Variants in PTPRD observed in about 807,000 individuals in gnomAD.
PTPRD encodes protein tyrosine phosphatase receptor type D.
Under a neutral mutation model 214.5 loss-of-function variants are expected in PTPRD, and 34 were observed. The observed-to-expected ratio is 0.16, with a 90% confidence interval of 0.12 to 0.21. The LOEUF is 0.21. Among genes scored for constraint, PTPRD ranks in the 10% least tolerant of loss-of-function variants. The probability of loss-of-function intolerance (pLI) is 1.00; values close to 1 mark genes in which losing one functional copy is unlikely to be tolerated. For missense variants in PTPRD, 2,545 were observed against 2,398.7 expected, an observed-to-expected ratio of 1.06 and a Z score of -1.27; for synonymous variants, 1,128 against 845.7, an observed-to-expected ratio of 1.33 and a Z score of -5.79.
chr9:10,003,277 G>T lies in PTPRD; in HGVS notation c.-472+30441C>A, dbSNP rs563725832. On this transcript the variant is annotated intron_variant, in intron 4 of 45. Transcript: ENST00000381196. ...GAGATGATGAGGAATGAGGAAGTGA[G>T]ATAAAGGTTAGAAAGGAAGACAAAC... is the stretch of plus-strand genomic sequence containing the variant. 7.2e-4 allele frequency among the ~76,000 whole-genome samples: 109 copies of T among 151,804 alleles called. 1 individual carries two copies. Among genetic ancestry groups the T allele is most frequent in the African/African-American group, 2.6e-3 (109 of 41,522 alleles).
intron 11 of PTPRD, among the ~76,000 whole-genome samples, chr9:8,786,053 GT>G (rs1566046188): frequency 2.1e-5 from 3 of 141,724 alleles, no homozygotes; most frequent in African/African-American, 8.4e-5. Context: ...GTGTGTGTGT[GT>G]GTGTGTGTGT....
At chr9:9,769,034 A>G (rs992966065) in intron 5 of PTPRD, among the ~76,000 whole-genome samples, 33 of 152,168 alleles carry the variant, frequency 2.2e-4, no homozygotes, top group African/African-American at 5.8e-4. Context: ...GAGGAGGCAT[A>G]TTTACTATTT....
intron 3 of PTPRD, among the ~76,000 whole-genome samples, chr9:10,140,628 T>G (rs1592179946): frequency 6.6e-6 from 1 of 151,888 alleles, no homozygotes; most frequent in Non-Finnish European, 1.5e-5. Context: ...ACGAAAAAAG[T>G]CCAGGACCAG....
intron 4 of PTPRD, among the ~76,000 whole-genome samples, chr9:9,996,625 G>T (rs573943510): frequency 6.6e-6 from 1 of 152,196 alleles, no homozygotes; most frequent in Non-Finnish European, 1.5e-5. Flanking sequence ...AAGTATTGAA[G>T]TTGTGCTGTA....
At chr9:9,098,800 G>A (rs1287376144) in intron 10 of PTPRD, among the ~76,000 whole-genome samples, 1 of 152,100 alleles carries the variant, frequency 6.6e-6, no homozygotes, top group Non-Finnish European at 1.5e-5. Context: ...TGTAATACAA[G>A]GCAGAAATTC....
chr9:8,719,138 T>C (rs1164250064), intron 12 of PTPRD, among the ~76,000 whole-genome samples: 77 of 152,176 alleles, frequency 5.1e-4, no homozygotes, highest in South Asian at 2.1e-4. Context: ...TTTTTTAAGA[T>C]GTTCATAGCT....
At chr9:9,580,277 A>G (rs1349696572) in intron 7 of PTPRD, among the ~76,000 whole-genome samples, 1 of 152,054 alleles carries the variant, frequency 6.6e-6, no homozygotes, top group Non-Finnish European at 1.5e-5. Flanking sequence ...TTCTTTGAGA[A>G]ATCTCCATAC....
In PTPRD at chr9:10,393,395, T is replaced by C. The variant is rs185522917; in HGVS notation, c.-599-52378A>G. Among the ~76,000 whole-genome samples the C allele has an allele frequency of 1.4e-3, 208 of 151,850 alleles. 2 individuals are homozygous for C. The highest frequency in any genetic ancestry group is 4.8e-3 in the African/African-American group (199 of 41,486). On this transcript the variant is annotated intron_variant, in intron 2 of 45. Transcript: ENST00000381196. ...ATGATCCATATCATAATGAGATTAA[T>C]ACATTAGACCCATTTCTTTCAAGGT...
At chr9:10,588,983 T>C (rs1459039477) in intron 2 of PTPRD, among the ~76,000 whole-genome samples, 2 of 152,038 alleles carry the variant, frequency 1.3e-5, no homozygotes, top group Non-Finnish European at 2.9e-5. Flanking sequence ...ATGAGTAATA[T>C]TGTAGAACCT....
rs2136973454 is a variant in PTPRD at position 8,500,921 on chromosome 9, C to T, written c.1961G>A (p.Gly654Glu). ...EYSIKYTAVD[G>E]EDDKPHEILG... ...AATCTCGTGAGGCTTGTCATCTTCC[C>T]CATCCACTGCAGTGTACTTGATGGA... The change falls in exon 24 of 46, where the codon GGG becomes GAG. Residue 654 changes from glycine (G) to glutamate (E), a missense_variant. By Grantham distance (98) the Gly-to-Glu change is moderately conservative. Transcript: ENST00000381196. 1 of 1,614,054 alleles carries T rather than the reference C, an allele frequency of 6.2e-7. No individual in the cohort carries two copies. The highest frequency in any genetic ancestry group is 1.1e-5 in the South Asian group (1 of 91,064).
intron 3 of PTPRD, among the ~76,000 whole-genome samples, chr9:10,079,501 T>C (rs1294143971): frequency 6.6e-6 from 1 of 152,122 alleles, no homozygotes; most frequent in Non-Finnish European, 1.5e-5. Flanking sequence ...CCTTTGTTTT[T>C]CACATGGCTC....
intron 12 of PTPRD, chr9:8,713,180 A>G (rs1257285405): frequency 5.3e-6 from 3 of 565,562 alleles, no homozygotes; most frequent in South Asian, 4.7e-5. Flanking sequence ...TGTCAGTGCC[A>G]GAATTTCAGG....
chr9:9,831,659 C>G (rs1259398548), intron 5 of PTPRD, among the ~76,000 whole-genome samples: 2 of 151,964 alleles, frequency 1.3e-5, no homozygotes, highest in Non-Finnish European at 2.9e-5. Flanking sequence ...TTATCAGATT[C>G]CAGCATAACC....
intron 7 of PTPRD, among the ~76,000 whole-genome samples, chr9:9,665,823 G>T (rs1015080643): frequency 2.0e-5 from 3 of 151,814 alleles, no homozygotes; most frequent in African/African-American, 7.2e-5. Flanking sequence ...AAATTTGTTT[G>T]GCAAAATTCC....
At chr9:8,331,008 TTTCTATTAAC>T (rs1170367290) in intron 44 of PTPRD, among the ~76,000 whole-genome samples, 3 of 149,840 alleles carry the variant, frequency 2.0e-5, no homozygotes, top group Non-Finnish European at 4.4e-5. Flanking sequence ...TTGCTATTTA[TTTCTATTAAC>T]TTCAATGACT....
chr9:9,329,954 G>A (rs952952474), intron 9 of PTPRD, among the ~76,000 whole-genome samples: 8 of 152,074 alleles, frequency 5.3e-5, no homozygotes, highest in Non-Finnish European at 7.4e-5. Flanking sequence ...CCCTGTCATG[G>A]GTAAGAGAAG....
At position 10,054,603 on chromosome 9, in the gene PTPRD, C is replaced by T. The variant is rs115591758; in HGVS notation, c.-544-20813G>A. Among the ~76,000 whole-genome samples the T allele has an allele frequency of 8.4e-3, 1,273 of 152,188 alleles. 14 individuals carry two copies. The highest frequency in any genetic ancestry group is 0.028 in the African/African-American group (1,178 of 41,540). On this transcript the variant is annotated intron_variant, in intron 3 of 45. Coordinates refer to ENST00000381196, the MANE Select transcript of PTPRD (RefSeq NM_002839.4). ...CTTTTTCAAGGACGTGGGAGCCATT[C>T]CTTTGAAATGGTATCAAGATAGGGC...
chr9:8,999,749 C>G (rs1400024375), intron 11 of PTPRD, among the ~76,000 whole-genome samples: 2 of 151,898 alleles, frequency 1.3e-5, no homozygotes, highest in African/African-American at 4.8e-5. Context: ...CAGAGCCAGG[C>G]CTGGTGGATT....
chr9:9,039,727 T>A (rs1036147055), intron 10 of PTPRD, among the ~76,000 whole-genome samples: 1 of 152,198 alleles, frequency 6.6e-6, no homozygotes, highest in Non-Finnish European at 1.5e-5. Context: ...TTTGACTCAA[T>A]GTTGTTTGTT....
Sources: gnomAD v4.1 joint callset for allele counts (sites outside exome capture counted in the v4.1 genomes callset) on GRCh38, gnomAD v4.1.1 for gene constraint, MANE v1.5 for transcripts, NCBI Gene and HGNC (gene_info 2026-07-23, HGNC 2026-07-21) for gene names.